L2HGDH: variants seen among roughly 807,000 people sequenced by gnomAD.
L2HGDH encodes the protein L-2-hydroxyglutarate dehydrogenase, also known as L-2-hydroxyglutarate dehydrogenase, mitochondrial.
L2HGDH carries 34 observed loss-of-function variants against 51.5 expected under a neutral mutation model. The ratio of observed to expected loss-of-function variants is 0.66; its 90% CI spans 0.50 to 0.88. The LOEUF (loss-of-function observed/expected upper bound fraction) is 0.88. Among genes scored for constraint, L2HGDH ranks in the 40% least tolerant of loss-of-function variants. L2HGDH has a pLI of 0.00. For missense variants in L2HGDH, 558 were observed against 571.9 expected, an observed-to-expected ratio of 0.98 and a Z score of 0.25; for synonymous variants, 198 against 197.9, an observed-to-expected ratio of 1.00 and a Z score of -0.01.
At chr14:50,282,091 C>T (rs1026333889) in intron 5 of L2HGDH, among the ~76,000 whole-genome samples, 11 of 152,204 alleles carry the variant, frequency 7.2e-5, no homozygotes, top group South Asian at 6.2e-4. Context: ...CCGCCCGCCT[C>T]GGCCTCCCAA....
At chr14:50,305,004 T>A (rs544677820) in intron 1 of L2HGDH, among the ~76,000 whole-genome samples, 1 of 152,332 alleles carries the variant, frequency 6.6e-6, no homozygotes, top group Non-Finnish European at 1.5e-5. Context: ...TGATCTAAGT[T>A]TCAATTTCAA....
chr14:50,250,229 T>C (rs1888267582), intron 9 of L2HGDH, among the ~76,000 whole-genome samples: 1 of 152,180 alleles, frequency 6.6e-6, no homozygotes, highest in Non-Finnish European at 1.5e-5. Flanking sequence ...ACGGCATTTC[T>C]AGCACTACCC....
intron 4 of L2HGDH, among the ~76,000 whole-genome samples, chr14:50,286,957 C>T (rs1012731833): frequency 6.6e-6 from 1 of 152,200 alleles, no homozygotes; most frequent in Non-Finnish European, 1.5e-5. Flanking sequence ...TCTTATCTAT[C>T]TACAGTGCCT....
intron 9 of L2HGDH, among the ~76,000 whole-genome samples, chr14:50,249,392 C>T (rs531609885): frequency 1.0e-3 from 159 of 152,306 alleles, no homozygotes; most frequent in Non-Finnish European, 1.7e-3. Context: ...ATAGAAGTGA[C>T]TCCTTTCTTC....
rs115867788 is a variant in L2HGDH, at chr14:50,270,932, T to C, written c.739-1602A>G. Among the ~76,000 whole-genome samples, 390 of 152,326 alleles carry C rather than the reference T, an allele frequency of 2.6e-3. 1 individual carries two copies. The highest frequency in any genetic ancestry group is 8.9e-3 in the African/African-American group (368 of 41,570). On this transcript the variant is annotated intron_variant, in intron 6 of 9. Transcript: ENST00000267436. Reference sequence around the variant, plus strand: ...TACATGTCATAGTTTTTACAAAAATTAGATGCAACTTCTCCATAATGAATT... The same window carrying C: ...TACATGTCATAGTTTTTACAAAAATCAGATGCAACTTCTCCATAATGAATT...
chr14:50,269,132 A>T, intron 7 of L2HGDH, 31 bp downstream of exon 7: 1 of 1,607,608 alleles, frequency 6.2e-7, no homozygotes, highest in Non-Finnish European at 8.5e-7. Context: ...CTGCTTGAAA[A>T]AAATGAGAAG....
chr14:50,310,083 A>G (rs1392579877), intron 1 of L2HGDH, among the ~76,000 whole-genome samples: 1 of 152,158 alleles, frequency 6.6e-6, no homozygotes, highest in Non-Finnish European at 1.5e-5. Flanking sequence ...ACACACACGA[A>G]TATATGTAAA....
At position 50,245,231 on chromosome 14, in the gene L2HGDH, T is replaced by C; in HGVS notation, c.*1827A>G. On this transcript the variant is annotated 3_prime_UTR_variant, in exon 10 of 10. Transcript: ENST00000267436. ...GAATCATTACCAATCTTGGCCAACA[T>C]TTTGAGAGCCTTAGTGTGACTAAAG... 1 of 985,254 alleles carries C rather than the reference T, an allele frequency of 1.0e-6. No individual in the cohort carries two copies. The highest frequency in any genetic ancestry group is 4.7e-5 in the South Asian group (1 of 21,286). The allele number at this position is 985,254 out of a possible 1,614,324, so 61.0% of individuals were successfully genotyped here. A position where few individuals can be genotyped will look rare whatever the true frequency, so the allele number is the denominator to read the frequency against.
chr14:50,247,882 T>C (rs1489528745), intron 9 of L2HGDH, among the ~76,000 whole-genome samples: 2 of 152,122 alleles, frequency 1.3e-5, no homozygotes, highest in Admixed American at 6.5e-5. Context: ...AGCATGTTAA[T>C]AAAATGAGAG....
chr14:50,304,517 T>C (rs902801729), intron 1 of L2HGDH, among the ~76,000 whole-genome samples: 1 of 152,238 alleles, frequency 6.6e-6, no homozygotes, highest in Non-Finnish European at 1.5e-5. Context: ...ATCTTTGCCA[T>C]GGCAAATCCT....
At chr14:50,305,701 A>G (rs570860487) in intron 1 of L2HGDH, among the ~76,000 whole-genome samples, 6 of 152,298 alleles carry the variant, frequency 3.9e-5, no homozygotes, top group African/African-American at 1.4e-4. Flanking sequence ...AATACTTAAG[A>G]TATTTGTATG....
chr14:50,295,875 A>G (rs2030011571), intron 3 of L2HGDH, among the ~76,000 whole-genome samples: 1 of 151,322 alleles, frequency 6.6e-6, no homozygotes. Flanking sequence ...AGTAGCTGAG[A>G]TTACAGACGC....
intron 4 of L2HGDH, among the ~76,000 whole-genome samples, chr14:50,293,804 T>C (rs115193906): frequency 2.0e-3 from 301 of 152,316 alleles, no homozygotes; most frequent in African/African-American, 7.0e-3. Context: ...CTTTTCAGTC[T>C]CATCTCTTAT....
intron 5 of L2HGDH, among the ~76,000 whole-genome samples, chr14:50,279,414 G>A (rs1890137786): frequency 6.6e-6 from 1 of 152,096 alleles, no homozygotes; most frequent in Non-Finnish European, 1.5e-5. Context: ...GTTCCAAATG[G>A]CCAGGTCATT....
In L2HGDH at chr14:50,267,770, C is replaced by T. The variant is rs746089124; in HGVS notation, c.1047G>A (p.Met349Ile). 8.1e-5 allele frequency: 131 copies of T among 1,609,212 alleles called. No homozygotes were observed. The highest frequency in any genetic ancestry group is 1.1e-4 in the Non-Finnish European group (128 of 1,175,752). ...AATGTTACCTATTGATAATTATATC[C>T]ATAACATCTGTGGCACTGAAGTCAA... ...RPFDFSATDV[M>I]DIIINSGLIK... The change falls in exon 8 of 10, where the codon ATG (methionine) becomes ATA (isoleucine). Residue 349 changes from methionine to isoleucine, a missense_variant. By Grantham distance (10) the Met-to-Ile change is conservative. This residue lies in a region of L2HGDH where 321 missense variants were observed against 311.8 expected (regional missense o/e 1.03). Coordinates refer to ENST00000267436, the MANE Select transcript of L2HGDH (RefSeq NM_024884.3).
At chr14:50,304,813 C>T (rs1056574388) in intron 1 of L2HGDH, among the ~76,000 whole-genome samples, 11 of 152,042 alleles carry the variant, frequency 7.2e-5, no homozygotes, top group South Asian at 2.1e-4. Context: ...CCAGCCTGGG[C>T]GACAGAGCGA....
At chr14:50,263,327 A>G (rs1034699191) in intron 9 of L2HGDH, among the ~76,000 whole-genome samples, 4 of 152,258 alleles carry the variant, frequency 2.6e-5, no homozygotes, top group Non-Finnish European at 5.9e-5. Context: ...AGATATTTTT[A>G]TCCCTTCTAT....
chr14:50,312,045 G>A lies in L2HGDH; in HGVS notation c.106C>T (p.Pro36Ser), dbSNP rs2031253004. 2 of 1,586,642 alleles carry A rather than the reference G, an allele frequency of 1.3e-6. No homozygotes were observed. Among genetic ancestry groups the A allele is most frequent in the Non-Finnish European group, 8.6e-7 (1 of 1,168,488 alleles). Residue 36 changes from proline (P) to serine (S), a missense_variant, in exon 1 of 10, where the codon CCG becomes TCG. Physicochemically the swap from Pro to Ser is moderately conservative, Grantham distance 74. This residue lies in a region of L2HGDH where 194 missense variants were observed against 187.2 expected (regional missense o/e 1.04). Transcript: ENST00000267436. Reference protein sequence around the residue: ...ACGFASGRPRPLCGGSRSAST... With the variant: ...ACGFASGRPRSLCGGSRSAST... Reference sequence around the variant, plus strand: ...GCGCTGCGGCTACCTCCACACAGCGGTCTTGGCCTCCCAGACGCGAACCCG... The same window carrying A: ...GCGCTGCGGCTACCTCCACACAGCGATCTTGGCCTCCCAGACGCGAACCCG...
chr14:50,274,621 A>T (rs1171123328), intron 6 of L2HGDH, among the ~76,000 whole-genome samples: 1 of 152,216 alleles, frequency 6.6e-6, no homozygotes, highest in African/African-American at 2.4e-5. Context: ...TCCTCTGGGT[A>T]TATACCCAAA....
Sources: allele counts gnomAD v4.1 joint callset (sites outside exome capture counted in the v4.1 genomes callset), GRCh38; gene constraint gnomAD v4.1.1; regional missense constraint gnomAD v4.1.1; transcripts MANE v1.5; gene names NCBI Gene and HGNC (gene_info 2026-07-23, HGNC 2026-07-21).